Variants in ALK observed in about 807,000 individuals in gnomAD.
The protein encoded by ALK is ALK tyrosine kinase receptor.
ALK carries 74 observed loss-of-function variants against 163.1 expected under a neutral mutation model. The ratio of observed to expected loss-of-function variants is 0.45; its 90% CI spans 0.38 to 0.55. The LOEUF (loss-of-function observed/expected upper bound fraction) is 0.55. Among genes scored for constraint, ALK ranks in the 20% least tolerant of loss-of-function variants. ALK has a pLI of 0.00. For missense variants in ALK, 2,063 were observed against 2,105.3 expected (o/e 0.98, Z 0.39); for synonymous variants, 960 against 843.2 (o/e 1.14, Z -2.40).
intron 4 of ALK, among the ~76,000 whole-genome samples, chr2:29,413,865 G>A (rs1188021921): frequency 6.6e-6 from 1 of 151,936 alleles, no homozygotes; most frequent in African/African-American, 2.4e-5. Flanking sequence ...ACGGGGTTTC[G>A]CCATGTTGGC....
At chr2:29,678,458 C>G (rs1013573439) in intron 3 of ALK, among the ~76,000 whole-genome samples, 1 of 151,362 alleles carries the variant, frequency 6.6e-6, no homozygotes, top group African/African-American at 2.4e-5. Context: ...TCTCTGAGCA[C>G]TTTTAAATTT....
chr2:29,202,589 C>T (rs943379082), intron 26 of ALK, among the ~76,000 whole-genome samples: 4 of 152,212 alleles, frequency 2.6e-5, no homozygotes, highest in African/African-American at 7.2e-5. Context: ...AAAGCGCAAA[C>T]GATACTGTGT....
rs773870096 is a variant in ALK at position 29,193,383 on chromosome 2, C to T, written c.4704G>A (p.Glu1568=). The part of the protein sequence containing the change: ...EPSSLTANMK[E]VPLFRLRHFP... ...AGTGACGTAGCCTGAACAGAGGTAC[C>T]TCCTTCATATTGGCAGTCAGCGAAG... Residue 1568 remains glutamate (E), a synonymous_variant, in exon 29 of 29, where the codon GAG becomes GAA. Transcript: ENST00000389048. The T allele has an allele frequency of 6.2e-7, 1 of 1,614,164 alleles. No individual in the cohort carries two copies. The highest frequency in any genetic ancestry group is 1.1e-5 in the South Asian group (1 of 91,078).
rs1328945253 is a variant in ALK at position 29,246,162 on chromosome 2, C to T, written c.2204+4943G>A. 1.3e-5 allele frequency among the ~76,000 whole-genome samples: 2 copies of T among 150,400 alleles called. No homozygotes were observed. The highest frequency in any genetic ancestry group is 1.5e-5 in the Non-Finnish European group (1 of 67,780). On this transcript the variant is annotated intron_variant, in intron 12 of 28. Coordinates refer to ENST00000389048, the MANE Select transcript of ALK (RefSeq NM_004304.5). The surrounding 1 kb of genome is among the most constrained non-coding windows in gnomAD (Gnocchi z 4.3). ...GGGTGGGGAGGAGATGGGGGCAGGA[C>T]TGCGGGCTGAGAAGGATGCTGGTCC...
At chr2:29,880,555 T>C (rs1020657327) in intron 1 of ALK, among the ~76,000 whole-genome samples, 2 of 152,214 alleles carry the variant, frequency 1.3e-5, no homozygotes, top group Admixed American at 6.5e-5. Flanking sequence ...TCCTACTTTA[T>C]AAGTCCCCAG....
intron 1 of ALK, among the ~76,000 whole-genome samples, chr2:29,725,631 T>C (rs1042309227): frequency 4.6e-5 from 7 of 151,590 alleles, no homozygotes; most frequent in Admixed American, 6.6e-5. Context: ...TTTATGTTGA[T>C]TTCTTTTCTT....
chr2:29,458,192 G>A (rs1023369046), intron 4 of ALK, among the ~76,000 whole-genome samples: 2 of 152,000 alleles, frequency 1.3e-5, no homozygotes, highest in South Asian at 2.1e-4. Context: ...AAACTTAAAC[G>A]TATATGCTTG....
chr2:29,351,215 G>T (rs1668103440), intron 5 of ALK, among the ~76,000 whole-genome samples: 3 of 152,170 alleles, frequency 2.0e-5, no homozygotes, highest in Admixed American at 2.0e-4. Context: ...AAATACTTCT[G>T]TTCTTTTGGG....
intron 11 of ALK, among the ~76,000 whole-genome samples, chr2:29,269,748 C>A (rs746085526): frequency 2.0e-5 from 3 of 152,146 alleles, no homozygotes; most frequent in African/African-American, 4.8e-5. Context: ...GTGTCTCAAG[C>A]GGCTCCAAGG....
intron 1 of ALK, among the ~76,000 whole-genome samples, chr2:29,865,066 C>A (rs1666396742): frequency 6.6e-6 from 1 of 152,192 alleles, no homozygotes; most frequent in Non-Finnish European, 1.5e-5. Context: ...TAAAGCAGAA[C>A]TCTGCTGCCA....
chr2:29,875,306 T>C (rs1323224647), intron 1 of ALK, among the ~76,000 whole-genome samples: 1 of 152,216 alleles, frequency 6.6e-6, no homozygotes, highest in Non-Finnish European at 1.5e-5. Context: ...TTAAAGATGA[T>C]GAACAAGTTC....
intron 4 of ALK, among the ~76,000 whole-genome samples, chr2:29,493,383 T>A (rs1235641773): frequency 6.6e-6 from 1 of 152,202 alleles, no homozygotes; most frequent in Non-Finnish European, 1.5e-5. Context: ...GCCAAAGGCG[T>A]ACACATCAGA....
chr2:29,881,923 C>T (rs1035963914), intron 1 of ALK, among the ~76,000 whole-genome samples: 1 of 152,128 alleles, frequency 6.6e-6, no homozygotes, highest in Non-Finnish European at 1.5e-5. Context: ...CTAGAGCTTC[C>T]TCAGTTCAGA....
intron 3 of ALK, among the ~76,000 whole-genome samples, chr2:29,647,168 G>A (rs151190009): frequency 4.8e-4 from 73 of 152,270 alleles, no homozygotes; most frequent in African/African-American, 1.6e-3. Context: ...TGGAAGTTAC[G>A]TTAGAAAATT....
intron 3 of ALK, among the ~76,000 whole-genome samples, chr2:29,667,428 T>C (rs1677546245): frequency 2.0e-5 from 3 of 152,074 alleles, no homozygotes; most frequent in Admixed American, 2.0e-4. Flanking sequence ...TTTTTCCTAT[T>C]CGGTACAATG....
At chr2:29,494,449 G>A (rs1671976462) in intron 4 of ALK, among the ~76,000 whole-genome samples, 1 of 152,116 alleles carries the variant, frequency 6.6e-6, no homozygotes, top group Non-Finnish European at 1.5e-5. Flanking sequence ...TTGGGGCTCT[G>A]AGATCTTTAA....
In ALK at chr2:29,296,939, C is replaced by G. The variant is rs769505453; in HGVS notation, c.1766G>C (p.Gly589Ala). 2 of 1,614,212 alleles carry G rather than the reference C, an allele frequency of 1.2e-6. No homozygotes were observed. Among genetic ancestry groups the G allele is most frequent in the Non-Finnish European group, 1.7e-6 (2 of 1,180,026 alleles). Residue 589 changes from glycine (G) to alanine (A), a missense_variant, in exon 9 of 29, where the codon GGC becomes GCC. This residue lies in a region of ALK where 987 missense variants were observed against 939.5 expected (regional missense o/e 1.05). Transcript: ENST00000389048. ...RMVWHVAAYE[G>A]LSLWQWMVLP... ...CACCATCCACTGCCACAGGCTCAAG[C>G]CTTCATAGGCGGCGACATGCCAGAC...
At chr2:29,433,920 T>C (rs1210014426) in intron 4 of ALK, among the ~76,000 whole-genome samples, 1 of 152,204 alleles carries the variant, frequency 6.6e-6, no homozygotes, top group Non-Finnish European at 1.5e-5. Flanking sequence ...ATTAAGACTT[T>C]CTGGATCTCT....
intron 5 of ALK, among the ~76,000 whole-genome samples, chr2:29,378,836 G>A (rs1573298315): frequency 6.6e-6 from 1 of 151,870 alleles, no homozygotes; most frequent in Admixed American, 6.6e-5. Context: ...TCAGCCTCCC[G>A]AGTAGCTGAG....
Sources: gnomAD v4.1 joint callset for allele counts (sites outside exome capture counted in the v4.1 genomes callset) on GRCh38, gnomAD v4.1.1 for gene constraint, gnomAD v4.1.1 regional missense constraint, Gnocchi (gnomAD v3.1) non-coding constraint, MANE v1.5 for transcripts, NCBI Gene and HGNC (gene_info 2026-07-23, HGNC 2026-07-21) for gene names.